Variants in PUDP observed in about 807,000 individuals in gnomAD.
PUDP encodes pseudouridine 5'-phosphatase, also known as pseudouridine-5'-phosphatase.
A neutral mutation model predicts 9.4 loss-of-function variants in PUDP; 8 were observed. The ratio of observed to expected loss-of-function variants is 0.85; its 90% CI spans 0.50 to 1.53. The LOEUF is 1.53. Ranked by LOEUF, PUDP falls within the 40% of genes most tolerant of loss-of-function variation. PUDP has a pLI of 0.00. For synonymous variants in PUDP, 99 were observed against 80.7 expected (o/e 1.23, Z -1.22); for missense variants, 188 against 189.7 (o/e 0.99, Z 0.05).
upstream of PUDP, among the ~76,000 whole-genome samples, chrX:6,722,516 G>A (rs1924686258): frequency 9.0e-6 from 1 of 111,266 alleles, no homozygotes; most frequent in Non-Finnish European, 1.9e-5. Context: ...ATATTTTTAT[G>A]ATCTTGGACT....
intron 1 of PUDP, among the ~76,000 whole-genome samples, chrX:6,990,155 G>T (rs1315787582): frequency 9.0e-6 from 1 of 110,646 alleles, no homozygotes; most frequent in African/African-American, 3.3e-5. Flanking sequence ...ACACACAAAG[G>T]CTGTTATCTC....
At chrX:6,822,754 G>C (rs1369533243) in intron 3 of PUDP, among the ~76,000 whole-genome samples, 3 of 106,606 alleles carry the variant, frequency 2.8e-5, no homozygotes, top group Non-Finnish European at 3.9e-5. Context: ...TTGTTACATA[G>C]GCAAATCTGT....
At chrX:6,879,277 C>T (rs1927310916) in intron 3 of PUDP, among the ~76,000 whole-genome samples, 1 of 111,750 alleles carries the variant, frequency 8.9e-6, no homozygotes, top group African/African-American at 3.3e-5. Context: ...GTGAAATGTC[C>T]GTGAGCCATA....
At chrX:7,087,416 G>A (rs759593904) in intron 2 of PUDP, among the ~76,000 whole-genome samples, 4 of 111,451 alleles carry the variant, frequency 3.6e-5, no homozygotes, top group East Asian at 2.9e-4. Context: ...CCTTGACTTC[G>A]GACTTCTAGC....
intron 3 of PUDP, among the ~76,000 whole-genome samples, chrX:6,826,880 T>C (rs770797952): frequency 7.2e-4 from 80 of 111,129 alleles, no homozygotes; most frequent in African/African-American, 2.5e-3. Flanking sequence ...GAAACTAGGG[T>C]GAAGTCCCCT....
chrX:6,718,935 A>G (rs945151364), intron 1 of PUDP, among the ~76,000 whole-genome samples: 1 of 110,899 alleles, frequency 9.0e-6, no homozygotes, highest in Non-Finnish European at 1.9e-5. Context: ...TTTCAGTGCT[A>G]CAGCTGCAAG....
intron 3 of PUDP, among the ~76,000 whole-genome samples, chrX:6,920,360 T>C (rs746809900): frequency 7.4e-4 from 82 of 111,330 alleles, no homozygotes; most frequent in Non-Finnish European, 1.4e-3. Context: ...CTTGATATCC[T>C]TGGTCTGAGC....
intron 3 of PUDP, among the ~76,000 whole-genome samples, chrX:6,803,045 A>T (rs1344135532): frequency 2.4e-4 from 2 of 8,490 alleles, no homozygotes; most frequent in Non-Finnish European, 4.0e-4. Flanking sequence ...ATATAAAATA[A>T]AATATAAAAT....
intron 3 of PUDP, among the ~76,000 whole-genome samples, chrX:6,956,807 A>G (rs1168345257): frequency 2.7e-5 from 3 of 111,735 alleles, no homozygotes; most frequent in Non-Finnish European, 5.6e-5. Context: ...AAGCCACCAT[A>G]GAAGGGTCCT....
chrX:6,727,811 A>T (rs1924757790), intron 3 of PUDP, among the ~76,000 whole-genome samples: 1 of 111,652 alleles, frequency 9.0e-6, no homozygotes, highest in African/African-American at 3.3e-5. Flanking sequence ...GCACAGGATG[A>T]CACAGGTGGT....
At position 7,061,878 on chromosome X, in the gene PUDP, T is replaced by C. The variant is rs778720342; in HGVS notation, c.511-11406A>G. Among the ~76,000 whole-genome samples the C allele has an allele frequency of 1.6e-4, 18 of 111,826 alleles. No individual in the cohort carries two copies. In the Admixed American group the frequency reaches 1.6e-3, roughly 10 times the overall value. On this transcript the variant is annotated intron_variant, in intron 3 of 3. Coordinates refer to ENST00000381077, the MANE Select transcript of PUDP (RefSeq NM_012080.5). ...TCGCTATCAGCTATTATTATGATAATGGTGATCCATTCTGTAGACGTTACA... is the reference window on the plus strand; with the variant it reads ...TCGCTATCAGCTATTATTATGATAACGGTGATCCATTCTGTAGACGTTACA...
chrX:6,969,724 C>G (rs6639735), intron 3 of PUDP, among the ~76,000 whole-genome samples: 25,106 of 110,492 alleles, frequency 0.23, 2,230 homozygotes, highest in Admixed American at 0.36. Context: ...AAGAAATTTT[C>G]TTTTGAAATT....
intron 1 of PUDP, chrX:7,116,986 C>A (rs1259262149): frequency 1.7e-6 from 2 of 1,165,416 alleles, no homozygotes; most frequent in Middle Eastern, 2.4e-4. Flanking sequence ...TGATTGTAAG[C>A]CTCTTGAGGA....
intron 1 of PUDP, among the ~76,000 whole-genome samples, chrX:7,128,993 T>C (rs978148070): frequency 9.0e-6 from 1 of 111,644 alleles, no homozygotes; most frequent in African/African-American, 3.3e-5. Flanking sequence ...TAAAGTATAA[T>C]TGCACTCAAA....
intron 1 of PUDP, among the ~76,000 whole-genome samples, chrX:6,713,769 C>G (rs1026162): frequency 1.8e-5 from 2 of 109,496 alleles, no homozygotes; most frequent in East Asian, 5.8e-4. Context: ...AAGGGACTGT[C>G]GGGCACTGTG....
intron 3 of PUDP, among the ~76,000 whole-genome samples, chrX:6,896,625 G>C: frequency 8.9e-6 from 1 of 111,771 alleles, no homozygotes; most frequent in Middle Eastern, 4.3e-3. Context: ...CATATGTGAT[G>C]TAGCCAGGAG....
At chrX:7,100,872 TACATTCAGTCCA>T (rs1247761300) in intron 2 of PUDP, among the ~76,000 whole-genome samples, 21 of 112,340 alleles carry the variant, frequency 1.9e-4, no homozygotes, top group African/African-American at 6.2e-4. Flanking sequence ...TTCTGCTCTA[TACATTCAGTCCA>T]ACATTGTCCT....
At chrX:6,806,608 C>T (rs1216311534) in intron 3 of PUDP, among the ~76,000 whole-genome samples, 2 of 112,184 alleles carry the variant, frequency 1.8e-5, no homozygotes, top group African/African-American at 3.2e-5. Context: ...GGATTACAGG[C>T]GTGTGCCACC....
intron 3 of PUDP, among the ~76,000 whole-genome samples, chrX:6,974,575 G>C (rs188764749): frequency 8.9e-6 from 1 of 112,230 alleles, no homozygotes; most frequent in Admixed American, 9.4e-5. Flanking sequence ...TCTGCAGAGA[G>C]ATCCACTGTT....
Sources: allele counts gnomAD v4.1 joint callset (sites outside exome capture counted in the v4.1 genomes callset), GRCh38; gene constraint gnomAD v4.1.1; transcripts MANE v1.5; gene names NCBI Gene and HGNC (gene_info 2026-07-23, HGNC 2026-07-21).